The following ZC3H3 variants were observed in gnomAD, a reference collection of about 807,000 sequenced individuals.
ZC3H3 encodes the protein zinc finger CCCH domain-containing protein 3.
A neutral mutation model predicts 77.3 loss-of-function variants in ZC3H3; 36 were observed. The ratio of observed to expected loss-of-function variants is 0.47; its 90% CI spans 0.36 to 0.61. The LOEUF (loss-of-function observed/expected upper bound fraction) is 0.61, where lower values mean the gene tolerates loss of function less well. Ranked by LOEUF, ZC3H3 falls within the 20% of genes least tolerant of loss-of-function variation. The pLI is 0.00. For missense variants in ZC3H3, 1,331 were observed against 1,312.2 expected (o/e 1.01, Z -0.22); for synonymous variants, 626 against 555.2 (o/e 1.13, Z -1.79).
intron 3 of ZC3H3, chr8:143,523,266 C>CA: frequency 1.0e-6 from 1 of 971,658 alleles, no homozygotes; most frequent in Non-Finnish European, 1.2e-6. Flanking sequence ...AGGCTTGCTC[C>CA]ACGTCCCCAG....
At chr8:143,475,693 A>G in intron 4 of ZC3H3, 108 bp from the exon 5 acceptor site, 3 of 1,307,580 alleles carry the variant, frequency 2.3e-6, no homozygotes, top group South Asian at 3.0e-5. Flanking sequence ...GGGGACAGGG[A>G]GCAGCACTTG....
intron 9 of ZC3H3, among the ~76,000 whole-genome samples, chr8:143,461,957 T>C (rs937040268): frequency 3.3e-5 from 5 of 151,012 alleles, no homozygotes; most frequent in African/African-American, 1.2e-4. Flanking sequence ...GGAGGGAAAC[T>C]GTACTTCAGT....
In ZC3H3 at chr8:143,539,432, A is replaced by G. The variant is rs1046858657; in HGVS notation, c.47-112T>C. 10 of 1,146,428 alleles carry G rather than the reference A, an allele frequency of 8.7e-6. No homozygotes were observed. The African/African-American group carries it at 1.1e-4, about 13-fold the overall frequency. 71.0% of individuals were successfully genotyped at this position (1,146,428 alleles called of 1,614,324 possible). The stretch of plus-strand genomic sequence containing the variant: ...ACCCCCAGATCCCATCTCACTTCTG[A>G]GCCCCTGCCAGTTTCAGGAGGGGCA... On this transcript the variant is annotated intron_variant, in intron 1 of 11. Transcript: ENST00000262577.
rs936951754 is a variant in ZC3H3, at chr8:143,467,543, C to T, written c.2175+666G>A. Among the ~76,000 whole-genome samples the T allele has an allele frequency of 6.8e-4, 103 of 152,366 alleles. 2 individuals carry two copies. Among genetic ancestry groups the T allele is most frequent in the African/African-American group, 2.4e-3 (100 of 41,590 alleles). ...GCTGTTGCGGCAGCAGCACCCCTGC[C>T]CAACACCGCCTCCCTCACCCAAGGC... On this transcript the variant is annotated intron_variant, in intron 8 of 11. Transcript: ENST00000262577.
chr8:143,536,579 C>A (rs1822807848), intron 2 of ZC3H3, 126 bp from the exon 3 acceptor site: 1 of 1,003,490 alleles, frequency 1.0e-6, no homozygotes, highest in South Asian at 1.8e-5. Context: ...ACAGCGGGTC[C>A]TTTCTGGACC....
Position 143,538,928 on chromosome 8 carries a change from C to T in ZC3H3, c.439G>A (p.Glu147Lys), listed in dbSNP as rs780633752. The part of the protein sequence containing the change: ...SASGAQRGSL[E>K]EFEETPWSDQ... ...CTCCAGGGGGTTTCCTCAAATTCTT[C>T]CAAAGAGCCCCGCTGGGCCCCTGAG... Residue 147 changes from glutamate to lysine, a missense_variant, in exon 2 of 12, where the codon GAA becomes AAA. Glu to Lys is a moderately conservative substitution (Grantham distance 56). Around this residue, in one of 3 missense-constraint regions of ZC3H3, gnomAD observed 978 missense variants for 915.5 expected, o/e 1.07. Transcript: ENST00000262577. 1.2e-6 allele frequency: 2 copies of T among 1,613,032 alleles called. No homozygotes were observed. Among genetic ancestry groups the T allele is most frequent in the South Asian group, 2.2e-5 (2 of 91,088 alleles).
chr8:143,444,970 G>A (rs934994102), intron 9 of ZC3H3, among the ~76,000 whole-genome samples: 2 of 152,186 alleles, frequency 1.3e-5, no homozygotes, highest in African/African-American at 4.8e-5. Flanking sequence ...GTTCAGCAAA[G>A]TTGCTGGAGA....
chr8:143,516,865 C>A (rs534524112), intron 3 of ZC3H3, among the ~76,000 whole-genome samples: 5 of 152,194 alleles, frequency 3.3e-5, no homozygotes, highest in African/African-American at 1.2e-4. Flanking sequence ...AACGGCAGCC[C>A]GACAGGGCCA....
intron 4 of ZC3H3, among the ~76,000 whole-genome samples, chr8:143,480,519 C>T (rs1287957453): frequency 1.3e-5 from 2 of 152,264 alleles, no homozygotes; most frequent in Non-Finnish European, 1.5e-5. Flanking sequence ...CACACATACA[C>T]GTGGCCCAGA....
chr8:143,452,147 G>GT (rs1476735134), intron 9 of ZC3H3, among the ~76,000 whole-genome samples: 1 of 152,260 alleles, frequency 6.6e-6, no homozygotes, highest in Non-Finnish European at 1.5e-5. Context: ...GATCAGCAAA[G>GT]GCTGAGGAGG....
chr8:143,475,634 A>G (rs1266435209), intron 4 of ZC3H3, 49 bp from the exon 5 acceptor site: 1 of 1,512,316 alleles, frequency 6.6e-7, no homozygotes. Flanking sequence ...GACAGACTAC[A>G]GCTCTGATGG....
At chr8:143,504,203 C>T (rs989336880) in intron 4 of ZC3H3, among the ~76,000 whole-genome samples, 12 of 152,302 alleles carry the variant, frequency 7.9e-5, no homozygotes, top group African/African-American at 2.6e-4. Context: ...GCTCTCCAAC[C>T]GAAAGCTGAG....
chr8:143,508,977 C>A (rs989330194), intron 3 of ZC3H3, among the ~76,000 whole-genome samples: 3 of 152,170 alleles, frequency 2.0e-5, no homozygotes, highest in African/African-American at 4.8e-5. Flanking sequence ...CAGCCAGGGC[C>A]CCTCCTTGAG....
At chr8:143,438,788 G>A (rs1819649201) in intron 11 of ZC3H3, among the ~76,000 whole-genome samples, 1 of 152,200 alleles carries the variant, frequency 6.6e-6, no homozygotes, top group South Asian at 2.1e-4. Flanking sequence ...GACTGGGCCT[G>A]CCCAGGTGCC....
At chr8:143,439,106 T>TAAAA (rs568475106) in intron 11 of ZC3H3, among the ~76,000 whole-genome samples, 36 of 142,250 alleles carry the variant, frequency 2.5e-4, no homozygotes, top group African/African-American at 9.3e-4. Flanking sequence ...TTCCTGATCT[T>TAAAA]AAAAAAAAAA....
intron 3 of ZC3H3, among the ~76,000 whole-genome samples, chr8:143,529,130 G>A (rs533653444): frequency 2.1e-4 from 32 of 152,366 alleles, no homozygotes; most frequent in African/African-American, 7.7e-4. Context: ...CCTGGCCAGA[G>A]GTTGGGCCTG....
chr8:143,495,127 C>G (rs1292789526), intron 4 of ZC3H3, among the ~76,000 whole-genome samples: 1 of 152,224 alleles, frequency 6.6e-6, no homozygotes, highest in African/African-American at 2.4e-5. Flanking sequence ...AAGAGCTGCA[C>G]AAGGACTCAG....
intron 3 of ZC3H3, among the ~76,000 whole-genome samples, chr8:143,529,800 G>A (rs945302100): frequency 1.3e-5 from 2 of 152,160 alleles, no homozygotes; most frequent in East Asian, 1.9e-4. Flanking sequence ...GGGGCTGAGG[G>A]CCAACAGCTC....
In ZC3H3 at chr8:143,538,177, T is replaced by C; in HGVS notation, c.1190A>G (p.Glu397Gly). The C allele has an allele frequency of 6.2e-7, 1 of 1,612,990 alleles. No homozygotes were observed. The highest frequency in any genetic ancestry group is 8.5e-7 in the Non-Finnish European group (1 of 1,180,004). ...GGAGGCATGGTCCTTGCTGCTGGCCTCCGACTGCCAACGGAAGGAGGAAGA... is the reference window on the plus strand; with the variant it reads ...GGAGGCATGGTCCTTGCTGCTGGCCCCCGACTGCCAACGGAAGGAGGAAGA... ...SSSSSFRWQS[E>G]ASSKDHASQL... The change falls in exon 2 of 12, where the codon GAG becomes GGG. Residue 397 changes from glutamate to glycine, a missense_variant. By Grantham distance (98) the Glu-to-Gly change is moderately conservative. Transcript: ENST00000262577.
Sources: gnomAD v4.1 joint callset for allele counts (sites outside exome capture counted in the v4.1 genomes callset) on GRCh38, gnomAD v4.1.1 for gene constraint, gnomAD v4.1.1 regional missense constraint, MANE v1.5 for transcripts, NCBI Gene and HGNC (gene_info 2026-07-23, HGNC 2026-07-21) for gene names.